PCDHB16: variants seen among roughly 807,000 people sequenced by gnomAD.
PCDHB16 encodes the protein protocadherin beta-16.
For missense variants in PCDHB16, 1,026 were observed against 989.9 expected, an observed-to-expected ratio of 1.04 and a Z score of -0.49; for synonymous variants, 444 against 436.5, an observed-to-expected ratio of 1.02 and a Z score of -0.21.
chr5:141,182,734 A>G lies in PCDHB16; in HGVS notation c.175A>G (p.Met59Val). 1 of 1,611,928 alleles carries G rather than the reference A, an allele frequency of 6.2e-7. No individual in the cohort carries two copies. The highest frequency in any genetic ancestry group is 1.3e-5 in the African/African-American group (1 of 74,966). ...GKDLGLGLTE[M>V]STRKARIISQ... ...AGACCTGGGGTTGGGGTTGACAGAG[A>G]TGTCCACCCGCAAGGCCAGGATCAT... The change falls in exon 1 of 1, where the codon ATG (methionine) becomes GTG (valine). Residue 59 changes from methionine to valine, a missense_variant. Transcript: ENST00000609684.
At position 141,185,058 on chromosome 5, in the gene PCDHB16, C is replaced by G; in HGVS notation, c.*168C>G. ...AGGTATTTTTCTCTGATTGTTAGTT[C>G]AAATTATATTGTTAATTCCAGTTTC... On this transcript the variant is annotated 3_prime_UTR_variant, in exon 1 of 1. Coordinates refer to ENST00000609684, the MANE Select transcript of PCDHB16 (RefSeq NM_020957.4). 7.0e-7 allele frequency: 1 copy of G among 1,437,314 alleles called. No individual in the cohort carries two copies. Among genetic ancestry groups the G allele is most frequent in the Non-Finnish European group, 9.1e-7 (1 of 1,094,080 alleles). The allele number at this position is 1,437,314 out of a possible 1,614,324, so 89.0% of individuals were successfully genotyped here. A position where few individuals can be genotyped will look rare whatever the true frequency, so the allele number is the denominator to read the frequency against.
chr5:141,183,605 T>G lies in PCDHB16; in HGVS notation c.1046T>G (p.Met349Arg). The G allele has an allele frequency of 1.2e-6, 2 of 1,614,144 alleles. No individual in the cohort carries two copies. The highest frequency in any genetic ancestry group is 2.2e-5 in the South Asian group (2 of 91,088). ...AATGACAATCCCCCACAGGTGACCA[T>G]GTCTGCACTCACCAGCCCCATCCCA... is the stretch of plus-strand genomic sequence containing the variant. ...DVNDNPPQVT[M>R]SALTSPIPEN... The change falls in exon 1 of 1, where the codon ATG becomes AGG. Residue 349 changes from methionine to arginine, a missense_variant. Met to Arg is a moderately conservative substitution (Grantham distance 91). Coordinates refer to ENST00000609684, the MANE Select transcript of PCDHB16 (RefSeq NM_020957.4).
Position 141,183,164 on chromosome 5 carries a change from G to C in PCDHB16, c.605G>C (p.Arg202Pro). ...CTAGTGTTGGATAAAGAGCTGGATC[G>C]GGAGGAGGAGCCTCAACTAAGATTA... ...PELVLDKELDREEEPQLRLTL... is the reference protein window; with the variant it reads ...PELVLDKELDPEEEPQLRLTL... Residue 202 changes from arginine to proline, a missense_variant, in exon 1 of 1, where the codon CGG becomes CCG. Physicochemically the swap from Arg to Pro is moderately radical, Grantham distance 103. Coordinates refer to ENST00000609684, the MANE Select transcript of PCDHB16 (RefSeq NM_020957.4). The C allele has an allele frequency of 6.2e-7, 1 of 1,614,174 alleles. No homozygotes were observed. Among genetic ancestry groups the C allele is most frequent in the South Asian group, 1.1e-5 (1 of 91,084 alleles).
Position 141,183,582 on chromosome 5 carries a change from T to A in PCDHB16, c.1023T>A (p.Asn341Lys), listed in dbSNP as rs1554282175. ...CTLLLQVVDV[N>K]DNPPQVTMSA... Reference sequence around the variant, plus strand: ...TTCTCCTGCAGGTGGTGGACGTGAATGACAATCCCCCACAGGTGACCATGT... The same window carrying A: ...TTCTCCTGCAGGTGGTGGACGTGAAAGACAATCCCCCACAGGTGACCATGT... Residue 341 changes from asparagine (N) to lysine (K), a missense_variant, in exon 1 of 1, where the codon AAT becomes AAA. Coordinates refer to ENST00000609684, the MANE Select transcript of PCDHB16 (RefSeq NM_020957.4). 1 of 1,614,152 alleles carries A rather than the reference T, an allele frequency of 6.2e-7. No individual in the cohort carries two copies. The highest frequency in any genetic ancestry group is 1.7e-5 in the Admixed American group (1 of 60,024).
rs781924418 is a variant in PCDHB16 at position 141,182,809 on chromosome 5, T to A, written c.250T>A (p.Leu84Met). The change falls in exon 1 of 1, where the codon TTG becomes ATG. Residue 84 changes from leucine (L) to methionine (M), a missense_variant. Leu to Met is a conservative substitution (Grantham distance 15). Transcript: ENST00000609684. ...GCAGCTCAAGGCTCAAACTGGGGATTTGCTCATAAATGAGAAGCTAGATCG... is the reference window on the plus strand; with the variant it reads ...GCAGCTCAAGGCTCAAACTGGGGATATGCTCATAAATGAGAAGCTAGATCG... ...HLQLKAQTGD[L>M]LINEKLDREE... The A allele has an allele frequency of 1.2e-6, 2 of 1,614,130 alleles. No homozygotes were observed. Among genetic ancestry groups the A allele is most frequent in the Non-Finnish European group, 1.7e-6 (2 of 1,180,028 alleles).
In PCDHB16 at chr5:141,183,930, C is replaced by G; in HGVS notation, c.1371C>G (p.Thr457=). 6.2e-7 allele frequency: 1 copy of G among 1,614,016 alleles called. No homozygotes were observed. The highest frequency in any genetic ancestry group is 8.5e-7 in the Non-Finnish European group (1 of 1,180,020). ...NAPTFTQTSY[T]LFVRENNSPA... ...CCACTTTCACCCAAACCTCCTACAC[C>G]CTGTTCGTCCGCGAGAACAACAGCC... Residue 457 remains threonine, a synonymous_variant, in exon 1 of 1, where the codon ACC becomes ACG. Coordinates refer to ENST00000609684, the MANE Select transcript of PCDHB16 (RefSeq NM_020957.4).
Position 141,186,000 on chromosome 5 carries a change from T to G in PCDHB16, c.*1110T>G. 1 of 973,192 alleles carries G rather than the reference T, an allele frequency of 1.0e-6. No homozygotes were observed. Among genetic ancestry groups the G allele is most frequent in the Non-Finnish European group, 1.2e-6 (1 of 805,412 alleles). The allele number at this position is 973,192 out of a possible 1,614,324, so 60.3% of individuals were successfully genotyped here. A position where few individuals can be genotyped will look rare whatever the true frequency, so the allele number is the denominator to read the frequency against. ...AAAAATCAGAGGTCCCTGTTATATT[T>G]TTAATGGCTAACAACTCAATCTCAT... On this transcript the variant is annotated 3_prime_UTR_variant, in exon 1 of 1. Coordinates refer to ENST00000609684, the MANE Select transcript of PCDHB16 (RefSeq NM_020957.4).
In PCDHB16 at chr5:141,184,495, G is replaced by A. The variant is rs1371247740; in HGVS notation, c.1936G>A (p.Asp646Asn). The part of the protein sequence containing the change: ...AKQRLVVLVK[D>N]NGEPPRSATA... ...GCAGAGGCTGGTGGTGCTGGTCAAG[G>A]ACAATGGCGAGCCTCCGCGCTCGGC... is the stretch of plus-strand genomic sequence containing the variant. Residue 646 changes from aspartate (D) to asparagine (N), a missense_variant, in exon 1 of 1, where the codon GAC (aspartate) becomes AAC (asparagine). Coordinates refer to ENST00000609684, the MANE Select transcript of PCDHB16 (RefSeq NM_020957.4). The A allele has an allele frequency of 1.2e-6, 2 of 1,608,982 alleles. No individual in the cohort carries two copies. The highest frequency in any genetic ancestry group is 1.7e-6 in the Non-Finnish European group (2 of 1,179,600).
At position 141,184,652 on chromosome 5, in the gene PCDHB16, C is replaced by T. The variant is rs1190980556; in HGVS notation, c.2093C>T (p.Ser698Leu). ...CTGGTGGTGGCGTTGGCCTCGGTGT[C>T]GTCGCTCTTCCTCTTTTCGGTGCTC... ...VYLVVALASV[S>L]SLFLFSVLLF... Residue 698 changes from serine to leucine, a missense_variant, in exon 1 of 1, where the codon TCG (serine) becomes TTG (leucine). Coordinates refer to ENST00000609684, the MANE Select transcript of PCDHB16 (RefSeq NM_020957.4). 3 of 1,611,232 alleles carry T rather than the reference C, an allele frequency of 1.9e-6. No homozygotes were observed. Among genetic ancestry groups the T allele is most frequent in the Non-Finnish European group, 2.5e-6 (3 of 1,178,618 alleles).
Position 141,182,409 on chromosome 5 carries a change from A to C in PCDHB16, c.-151A>C. ...ACCGTTTCCCAAAGCCTGGAAGCAG[A>C]AGAATAGCTGAGCCAGAGCGAACGT... is the stretch of plus-strand genomic sequence containing the variant. On this transcript the variant is annotated 5_prime_UTR_variant, in exon 1 of 1. Coordinates refer to ENST00000609684, the MANE Select transcript of PCDHB16 (RefSeq NM_020957.4). The C allele has an allele frequency of 1.6e-6, 1 of 606,960 alleles. No homozygotes were observed. The highest frequency in any genetic ancestry group is 5.3e-5 in the South Asian group (1 of 18,816). 37.6% of individuals were successfully genotyped at this position (606,960 alleles called of 1,614,324 possible).
rs782182400 is a variant in PCDHB16 at position 141,182,870 on chromosome 5, T to G, written c.311T>G (p.Leu104Arg). 6 of 1,614,144 alleles carry G rather than the reference T, an allele frequency of 3.7e-6. No homozygotes were observed. In the South Asian group the frequency reaches 6.6e-5, roughly 18 times the overall value. ...TGCGGTCCCACTGAGCCTTGCATAC[T>G]ACATTTCCAAGTGTTAATGGAAAAC... ...ELCGPTEPCI[L>R]HFQVLMENPL... Residue 104 changes from leucine (L) to arginine (R), a missense_variant, in exon 1 of 1, where the codon CTA becomes CGA. Physicochemically the swap from Leu to Arg is moderately radical, Grantham distance 102. Coordinates refer to ENST00000609684, the MANE Select transcript of PCDHB16 (RefSeq NM_020957.4).
At position 141,185,811 on chromosome 5, in the gene PCDHB16, C is replaced by T. The variant is rs1280131895; in HGVS notation, c.*921C>T. The T allele has an allele frequency of 1.0e-6, 1 of 980,046 alleles. No individual in the cohort carries two copies. Among genetic ancestry groups the T allele is most frequent in the African/African-American group, 1.8e-5 (1 of 56,074 alleles). 60.7% of individuals were successfully genotyped at this position (980,046 alleles called of 1,614,324 possible). A position where few individuals can be genotyped will look rare whatever the true frequency, so the allele number is the denominator to read the frequency against. ...TCTCCTTAAATAAAATAAAATATTC[C>T]TATTGTAAGTGATATGAGAAATCTT... On this transcript the variant is annotated 3_prime_UTR_variant, in exon 1 of 1. Transcript: ENST00000609684.
rs374286802 is a variant in PCDHB16, at chr5:141,184,459, G to A, written c.1900G>A (p.Asp634Asn). 3 of 1,608,398 alleles carry A rather than the reference G, an allele frequency of 1.9e-6. No individual in the cohort carries two copies. Among genetic ancestry groups the A allele is most frequent in the Non-Finnish European group, 1.7e-6 (2 of 1,179,600 alleles). The change falls in exon 1 of 1, where the codon GAC becomes AAC. Residue 634 changes from aspartate to asparagine, a missense_variant. By Grantham distance (23) the Asp-to-Asn change is conservative. Transcript: ENST00000609684. ...CACCGCCAGGCTGCTGAGCGAGCGCGACGCAGCCAAGCAGAGGCTGGTGGT... is the reference window on the plus strand; with the variant it reads ...CACCGCCAGGCTGCTGAGCGAGCGCAACGCAGCCAAGCAGAGGCTGGTGGT... The part of the protein sequence containing the change: ...VRTARLLSER[D>N]AAKQRLVVLV...
At position 141,185,411 on chromosome 5, in the gene PCDHB16, T is replaced by C. The variant is rs1467130645; in HGVS notation, c.*521T>C. The C allele has an allele frequency of 2.3e-5, 18 of 768,326 alleles. No individual in the cohort carries two copies. The highest frequency in any genetic ancestry group is 6.3e-5 in the Admixed American group (1 of 15,958). 47.6% of individuals were successfully genotyped at this position (768,326 alleles called of 1,614,324 possible). On this transcript the variant is annotated 3_prime_UTR_variant, in exon 1 of 1. Coordinates refer to ENST00000609684, the MANE Select transcript of PCDHB16 (RefSeq NM_020957.4). Reference sequence around the variant, plus strand: ...TTTCTTTCTTTTCTTTTCTTTCTTTTTTTTTTTTTCCTTTTTGAGACAGGG... The same window carrying C: ...TTTCTTTCTTTTCTTTTCTTTCTTTCTTTTTTTTTCCTTTTTGAGACAGGG...
chr5:141,183,267 T>C lies in PCDHB16; in HGVS notation c.708T>C (p.Asn236=). ...AQVRIEVVDI[N]DNAPEFEQPI... is the part of the protein sequence containing the mutation. ...TCCGTATTGAAGTGGTGGACATCAA[T>C]GATAACGCTCCTGAGTTTGAGCAGC... Residue 236 remains asparagine (N), a synonymous_variant, in exon 1 of 1, where the codon AAT becomes AAC. Transcript: ENST00000609684. The C allele has an allele frequency of 1.9e-6, 3 of 1,614,202 alleles. No individual in the cohort carries two copies. The highest frequency in any genetic ancestry group is 1.6e-4 in the Middle Eastern group (1 of 6,062).
rs199724593 is a variant in PCDHB16 at position 141,184,671 on chromosome 5, G to C, written c.2112G>C (p.Ser704=). The C allele has an allele frequency of 1.6e-5, 25 of 1,611,696 alleles. No homozygotes were observed. The highest frequency in any genetic ancestry group is 2.1e-5 in the Non-Finnish European group (25 of 1,178,648). ...LASVSSLFLF[S]VLLFVAVRLC... ...CGGTGTCGTCGCTCTTCCTCTTTTC[G>C]GTGCTCCTGTTCGTGGCGGTGCGGC... Residue 704 remains serine (S), a synonymous_variant, in exon 1 of 1, where the codon TCG becomes TCC. Transcript: ENST00000609684.
chr5:141,184,935 C>G lies in PCDHB16; in HGVS notation c.*45C>G. 6.3e-7 allele frequency: 1 copy of G among 1,583,982 alleles called. No individual in the cohort carries two copies. The highest frequency in any genetic ancestry group is 8.6e-7 in the Non-Finnish European group (1 of 1,166,442). ...ATTAAAATTCCACCCTTCACAATAG[C>G]TTTGGATTTAATTATTGATAGGAAC... is the stretch of plus-strand genomic sequence containing the variant. On this transcript the variant is annotated 3_prime_UTR_variant, in exon 1 of 1. Coordinates refer to ENST00000609684, the MANE Select transcript of PCDHB16 (RefSeq NM_020957.4).
Position 141,183,226 on chromosome 5 carries a change from T to A in PCDHB16, c.667T>A (p.Ser223Thr). 1 of 1,614,202 alleles carries A rather than the reference T, an allele frequency of 6.2e-7. No individual in the cohort carries two copies. Among genetic ancestry groups the A allele is most frequent in the Non-Finnish European group, 8.5e-7 (1 of 1,180,046 alleles). The change falls in exon 1 of 1, where the codon TCT becomes ACT. Residue 223 changes from serine to threonine, a missense_variant. Transcript: ENST00000609684. ...GCTGGATGGTGGCTCTCCACCGCGA[T>A]CTGGAACTGCTCAGGTCCGTATTGA... is the stretch of plus-strand genomic sequence containing the variant. ...TALDGGSPPR[S>T]GTAQVRIEVV...
At position 141,183,128 on chromosome 5, in the gene PCDHB16, A is replaced by G; in HGVS notation, c.569A>G (p.Lys190Arg). Reference protein sequence around the residue: ...VLIHEFRDGRKYPELVLDKEL... With the variant: ...VLIHEFRDGRRYPELVLDKEL... The stretch of plus-strand genomic sequence containing the variant: ...ATCCATGAATTCAGAGATGGCAGGA[A>G]ATACCCTGAGCTAGTGTTGGATAAA... The change falls in exon 1 of 1, where the codon AAA becomes AGA. Residue 190 changes from lysine (K) to arginine (R), a missense_variant. Physicochemically the swap from Lys to Arg is conservative, Grantham distance 26. Transcript: ENST00000609684. 1 of 1,614,168 alleles carries G rather than the reference A, an allele frequency of 6.2e-7. No homozygotes were observed. Among genetic ancestry groups the G allele is most frequent in the Non-Finnish European group, 8.5e-7 (1 of 1,179,984 alleles).
Sources: gnomAD v4.1 joint callset for allele counts on GRCh38, gnomAD v4.1.1 for gene constraint, MANE v1.5 for transcripts, NCBI Gene and HGNC (gene_info 2026-07-23, HGNC 2026-07-21) for gene names.